Variants in RTN1 observed in about 807,000 individuals in gnomAD.
RTN1 encodes reticulon 1, also known as reticulon-1.
In RTN1, 25 loss-of-function variants were observed where a neutral mutation model predicts 65.5. The ratio of observed to expected loss-of-function variants is 0.38; its 90% CI spans 0.28 to 0.53. RTN1 has a LOEUF of 0.53. Ranked by LOEUF, RTN1 falls within the 20% of genes least tolerant of loss-of-function variation. The pLI, the probability that RTN1 is intolerant of heterozygous loss-of-function variation, is 0.79. For synonymous variants in RTN1, 471 were observed against 447.6 expected (o/e 1.05, Z -0.66); for missense variants, 983 against 1,025.4 (o/e 0.96, Z 0.57).
chr14:59,781,625 T>C (rs531925364), intron 1 of RTN1, among the ~76,000 whole-genome samples: 5 of 152,098 alleles, frequency 3.3e-5, no homozygotes, highest in Non-Finnish European at 7.3e-5. Context: ...ACTTTTTCCT[T>C]CCAAGTAATC....
At chr14:59,750,212 A>ATCTATAATATAT (rs1885439732) in intron 1 of RTN1, among the ~76,000 whole-genome samples, 1 of 28,822 alleles carries the variant, frequency 3.5e-5, no homozygotes, top group African/African-American at 1.9e-4. Context: ...AATATATAAT[A>ATCTATAATATAT]TATATATTAT....
At chr14:59,658,982 C>T (rs764893023) in intron 3 of RTN1, among the ~76,000 whole-genome samples, 5 of 151,808 alleles carry the variant, frequency 3.3e-5, no homozygotes, top group African/African-American at 9.7e-5. Context: ...AGCTAAGAAC[C>T]GTGAAAAAAG....
Position 59,849,548 on chromosome 14 carries a change from G to A in RTN1, c.241+20842C>T, listed in dbSNP as rs887176193. 6.6e-6 allele frequency among the ~76,000 whole-genome samples: 1 copy of A among 152,118 alleles called. No homozygotes were observed. Among genetic ancestry groups the A allele is most frequent in the African/African-American group, 2.4e-5 (1 of 41,424 alleles). On this transcript the variant is annotated intron_variant, in intron 1 of 8. Coordinates refer to ENST00000267484, the MANE Select transcript of RTN1 (RefSeq NM_021136.3). The surrounding 1 kb of genome is among the most constrained non-coding windows in gnomAD (Gnocchi z 4.5). ...GAGTCTTTTGGAAAATCCCCATACTGAGGAAGGAACATTTCAGCCCACAGG... is the reference window on the plus strand; with the variant it reads ...GAGTCTTTTGGAAAATCCCCATACTAAGGAAGGAACATTTCAGCCCACAGG...
At chr14:59,769,687 G>T (rs963761475) in intron 1 of RTN1, among the ~76,000 whole-genome samples, 4 of 152,160 alleles carry the variant, frequency 2.6e-5, no homozygotes, top group Admixed American at 6.5e-5. Context: ...CCTTTATCAC[G>T]TAACAGTCTA....
intron 1 of RTN1, among the ~76,000 whole-genome samples, chr14:59,755,731 T>C (rs1388950711): frequency 6.6e-6 from 1 of 152,212 alleles, no homozygotes; most frequent in East Asian, 1.9e-4. Context: ...TGGACTGTGA[T>C]TTAACATGAC....
chr14:59,870,541 G>C lies in RTN1; in HGVS notation c.90C>G (p.Asn30Lys), dbSNP rs1887882761. The C allele has an allele frequency of 1.4e-6, 2 of 1,458,740 alleles. No homozygotes were observed. The highest frequency in any genetic ancestry group is 1.8e-6 in the Non-Finnish European group (2 of 1,111,230). The allele number at this position is 1,458,740 out of a possible 1,614,324, so 90.4% of individuals were successfully genotyped here. The change falls in exon 1 of 9, where the codon AAC becomes AAG. Residue 30 changes from asparagine (N) to lysine (K), a missense_variant. Physicochemically the swap from Asn to Lys is moderately conservative, Grantham distance 94. Transcript: ENST00000267484. The surrounding 1 kb of genome is among the most constrained non-coding windows in gnomAD (Gnocchi z 5.1). ...TGGCCCCTTTCGGCGTCACCGCTTC[G>C]TTCTCCCCCTCCCCCCGGTGCCTGA... ...QWLRHRGEGE[N>K]EAVTPKGATP... is the part of the protein sequence containing the mutation.
chr14:59,650,828 T>A (rs1883005111), intron 3 of RTN1, among the ~76,000 whole-genome samples: 1 of 152,192 alleles, frequency 6.6e-6, no homozygotes, highest in South Asian at 2.1e-4. Context: ...ATGGCCATAC[T>A]GGCCAAAGAA....
In RTN1 at chr14:59,745,903, C is replaced by T; in HGVS notation, c.820G>A (p.Ala274Thr). 3.7e-6 allele frequency: 6 copies of T among 1,614,000 alleles called. No homozygotes were observed. The highest frequency in any genetic ancestry group is 5.1e-6 in the Non-Finnish European group (6 of 1,179,988). ...TTGACAGGGGTGGTGATCTGAGGAG[C>T]CCTGCGCTGTTCTTCAGAGAGATCA... ...IDDLSEEQRR[A>T]PQITTPVKIT... Residue 274 changes from alanine to threonine, a missense_variant, in exon 2 of 9, where the codon GCT (alanine) becomes ACT (threonine). Ala to Thr is a moderately conservative substitution (Grantham distance 58, BLOSUM62 0). This residue lies in a region of RTN1 where 818 missense variants were observed against 801.8 expected (regional missense o/e 1.02). Transcript: ENST00000267484.
At chr14:59,855,227 C>A (rs1157372743) in intron 1 of RTN1, among the ~76,000 whole-genome samples, 1 of 152,040 alleles carries the variant, frequency 6.6e-6, no homozygotes, top group African/African-American at 2.4e-5. Flanking sequence ...ATTATTTATC[C>A]CCTTTTATTT....
intron 6 of RTN1, 24 bp downstream of exon 6, chr14:59,603,828 G>T (rs747653551): frequency 1.9e-6 from 3 of 1,583,724 alleles, no homozygotes; most frequent in Middle Eastern, 1.7e-4. Flanking sequence ...GAAGGAAGAC[G>T]TATACAGTCT....
At chr14:59,839,772 G>T (rs1285513268) in intron 1 of RTN1, among the ~76,000 whole-genome samples, 2 of 151,916 alleles carry the variant, frequency 1.3e-5, no homozygotes, top group Non-Finnish European at 2.9e-5. Flanking sequence ...GATAACTCAG[G>T]TGTTTTTTTT....
At chr14:59,826,715 G>A (rs1233640845) in intron 1 of RTN1, among the ~76,000 whole-genome samples, 1 of 152,194 alleles carries the variant, frequency 6.6e-6, no homozygotes, top group Non-Finnish European at 1.5e-5. Context: ...GCAGCACACA[G>A]GTTTTCATCT....
At chr14:59,699,545 A>C (rs894154993) in intron 3 of RTN1, among the ~76,000 whole-genome samples, 1 of 152,212 alleles carries the variant, frequency 6.6e-6, no homozygotes, top group African/African-American at 2.4e-5. Flanking sequence ...TTTAGTGTGG[A>C]GGATGGGGAA....
At chr14:59,792,359 TCACA>T (rs34220909) in intron 1 of RTN1, among the ~76,000 whole-genome samples, 24,594 of 144,722 alleles carry the variant, frequency 0.17, 2,290 homozygotes, top group East Asian at 0.27. Flanking sequence ...AGAAAAGACT[TCACA>T]CACACACACA....
intron 1 of RTN1, among the ~76,000 whole-genome samples, chr14:59,753,702 G>A (rs1345503203): frequency 6.6e-6 from 1 of 152,192 alleles, no homozygotes; most frequent in East Asian, 1.9e-4. Context: ...GCCCAGGAAA[G>A]CCAATTAATT....
intron 1 of RTN1, among the ~76,000 whole-genome samples, chr14:59,807,703 T>C (rs1886662326): frequency 1.3e-5 from 2 of 152,158 alleles, no homozygotes; most frequent in South Asian, 4.1e-4. Flanking sequence ...TTACAAGGGA[T>C]ATAATATTTT....
At chr14:59,856,360 G>A (rs1357071658) in intron 1 of RTN1, among the ~76,000 whole-genome samples, 1 of 152,170 alleles carries the variant, frequency 6.6e-6, no homozygotes, top group Non-Finnish European at 1.5e-5. Context: ...GCCCTGTACT[G>A]GCGGGTAGCA....
At position 59,774,426 on chromosome 14, in the gene RTN1, T is replaced by C. The variant is rs1486502340; in HGVS notation, c.242-27945A>G. Among the ~76,000 whole-genome samples, 5 of 152,182 alleles carry C rather than the reference T, an allele frequency of 3.3e-5. No individual in the cohort carries two copies. Among genetic ancestry groups the C allele is most frequent in the African/African-American group, 1.2e-4 (5 of 41,444 alleles). On this transcript the variant is annotated intron_variant, in intron 1 of 8. Coordinates refer to ENST00000267484, the MANE Select transcript of RTN1 (RefSeq NM_021136.3). The surrounding 1 kb of genome is among the most constrained non-coding windows in gnomAD (Gnocchi z 5.1). ...CTTCTGCAGTCTCAGTTGTGTTGCC[T>C]GCTGTTCTAGCTGTGTCAACACGGG...
chr14:59,620,168 T>C (rs1282611583), intron 3 of RTN1, among the ~76,000 whole-genome samples: 1 of 152,038 alleles, frequency 6.6e-6, no homozygotes, highest in African/African-American at 2.4e-5. Flanking sequence ...TAGGTAAAGA[T>C]GGAAGGACAT....
Sources: gnomAD v4.1 joint callset for allele counts (sites outside exome capture counted in the v4.1 genomes callset) on GRCh38, gnomAD v4.1.1 for gene constraint, gnomAD v4.1.1 regional missense constraint, Gnocchi (gnomAD v3.1) non-coding constraint, MANE v1.5 for transcripts, NCBI Gene and HGNC (gene_info 2026-07-23, HGNC 2026-07-21) for gene names.